Variants in PTPRF observed in about 807,000 individuals in gnomAD.
PTPRF encodes receptor-type tyrosine-protein phosphatase F.
In PTPRF, 59 loss-of-function variants were observed where a neutral mutation model predicts 201.8. The ratio of observed to expected loss-of-function variants is 0.29; its 90% confidence interval spans 0.24 to 0.36. The LOEUF is 0.36. Among genes scored for constraint, PTPRF ranks in the 10% least tolerant of loss-of-function variants. PTPRF has a pLI of 1.00. For missense variants in PTPRF, 2,132 were observed against 2,690.5 expected, an observed-to-expected ratio of 0.79 and a Z score of 4.59; for synonymous variants, 1,088 against 1,089.7, an observed-to-expected ratio of 1.00 and a Z score of 0.03.
At chr1:43,583,187 G>T in intron 7 of PTPRF, 1 of 851,088 alleles carries the variant, frequency 1.2e-6, no homozygotes. Context: ...GCTCCCTCAG[G>T]CTCACTGCGC....
intron 19 of PTPRF, 89 bp from the exon 20 acceptor site, chr1:43,606,151 G>A (rs1655043182): frequency 7.0e-7 from 1 of 1,420,038 alleles, no homozygotes; most frequent in South Asian, 1.3e-5. Context: ...CTTGATCTCG[G>A]CCCAGGGAGC....
At chr1:43,585,754 G>A (rs1057374991) in intron 7 of PTPRF, among the ~76,000 whole-genome samples, 5 of 152,194 alleles carry the variant, frequency 3.3e-5, no homozygotes, top group East Asian at 1.9e-4. Flanking sequence ...GGGACAATTT[G>A]GGGGTAAAGT....
chr1:43,548,076 C>T (rs1159314897), intron 3 of PTPRF, among the ~76,000 whole-genome samples: 3 of 147,644 alleles, frequency 2.0e-5, no homozygotes, highest in African/African-American at 7.6e-5. Context: ...TGGGAGGCTT[C>T]CTGGAAGAGG....
chr1:43,526,598 G>A (rs1643123933), upstream of PTPRF, among the ~76,000 whole-genome samples: 2 of 152,154 alleles, frequency 1.3e-5, no homozygotes, highest in African/African-American at 4.8e-5. Context: ...GGGAATTGAT[G>A]CTTTGGCATG....
chr1:43,539,294 G>A (rs1405405533), intron 2 of PTPRF, among the ~76,000 whole-genome samples: 9 of 152,142 alleles, frequency 5.9e-5, no homozygotes, highest in Non-Finnish European at 1.0e-4. Flanking sequence ...GAGGGTTTGC[G>A]GGCTTGGTGA....
chr1:43,576,376 G>A (rs1037805567), intron 6 of PTPRF, among the ~76,000 whole-genome samples: 29 of 152,184 alleles, frequency 1.9e-4, no homozygotes, highest in Non-Finnish European at 3.2e-4. Context: ...TTAGTATCCC[G>A]GCTCTGTACC....
chr1:43,569,546 C>T, intron 5 of PTPRF, 44 bp from the exon 6 acceptor site: 1 of 1,538,246 alleles, frequency 6.5e-7, no homozygotes, highest in Non-Finnish European at 8.8e-7. Flanking sequence ...TCATAGGGGG[C>T]AGGCAGAGCC....
chr1:43,580,364 C>T (rs1647278930), intron 7 of PTPRF, among the ~76,000 whole-genome samples: 1 of 152,166 alleles, frequency 6.6e-6, no homozygotes, highest in Non-Finnish European at 1.5e-5. Flanking sequence ...CTGGAGAGGC[C>T]ACAGGCTGCC....
chr1:43,602,374 A>C lies in PTPRF; in HGVS notation c.2340+277A>C, dbSNP rs569835168. Among the ~76,000 whole-genome samples, 5 of 152,350 alleles carry C rather than the reference A, an allele frequency of 3.3e-5. No homozygotes were observed. In the East Asian group the frequency reaches 7.7e-4, roughly 24 times the overall value. ...GCCCCGGCCAGACAGGGATGGAGTT[A>C]AATCCAATCCTGATCGTTAGGCCTT... On this transcript the variant is annotated intron_variant, in intron 14 of 33. Transcript: ENST00000359947.
In PTPRF at chr1:43,605,367, C is replaced by T. The variant is rs1208329218; in HGVS notation, c.3313C>T (p.Leu1105=). The change falls in exon 18 of 34, where the codon CTG becomes TTG. Residue 1105 remains leucine (L), a synonymous_variant. Transcript: ENST00000359947. ...CCCCGACCTCCTGCCTCACAAGCCG[C>T]TGCCTGCCTCTGCCTACATAGAGGA... ...TAPDLLPHKP[L]PASAYIEDGR... is the part of the protein sequence containing the mutation. 4.3e-6 allele frequency: 7 copies of T among 1,613,986 alleles called. No individual in the cohort carries two copies. In the East Asian group the frequency reaches 8.9e-5, roughly 21 times the overall value.
chr1:43,564,532 C>T (rs773572375), intron 5 of PTPRF, among the ~76,000 whole-genome samples: 3 of 152,208 alleles, frequency 2.0e-5, no homozygotes, highest in Non-Finnish European at 2.9e-5. Flanking sequence ...GTGCTAGTCA[C>T]TGCAGGTGCC....
Position 43,588,677 on chromosome 1 carries a change from A to T in PTPRF, c.680-54A>T. 6.3e-7 allele frequency: 1 copy of T among 1,594,690 alleles called. No homozygotes were observed. Among genetic ancestry groups the T allele is most frequent in the South Asian group, 1.1e-5 (1 of 88,602 alleles). On this transcript the variant is annotated intron_variant, in intron 7 of 33. Coordinates refer to ENST00000359947, the MANE Select transcript of PTPRF (RefSeq NM_002840.5). The surrounding 1 kb of genome is among the most constrained non-coding windows in gnomAD (Gnocchi z 5.3). ...CTGAATGAGGGGCCCCTGCCCTTCC[A>T]TGCAGTCGTGTGTCCTGCCCGGCCT...
intron 11 of PTPRF, among the ~76,000 whole-genome samples, chr1:43,596,787 C>T (rs911316744): frequency 1.3e-5 from 2 of 152,104 alleles, no homozygotes; most frequent in Non-Finnish European, 2.9e-5. Context: ...GGGATGGCCA[C>T]GTGCTTGTGT....
At chr1:43,532,288 C>T (rs1643644109) in intron 1 of PTPRF, among the ~76,000 whole-genome samples, 1 of 152,200 alleles carries the variant, frequency 6.6e-6, no homozygotes, top group African/African-American at 2.4e-5. Flanking sequence ...CAGTGCACGG[C>T]CCCTGAGTTG....
intron 5 of PTPRF, among the ~76,000 whole-genome samples, chr1:43,560,609 G>C (rs1471350046): frequency 6.6e-6 from 1 of 152,156 alleles, no homozygotes; most frequent in Admixed American, 6.5e-5. Context: ...GCTGTGTCTG[G>C]GCTCATTGTC....
chr1:43,582,946 C>G, intron 7 of PTPRF: 1 of 451,764 alleles, frequency 2.2e-6, no homozygotes, highest in Non-Finnish European at 2.9e-6. Flanking sequence ...GCACAGGAGT[C>G]TCGTCTCGTC....
chr1:43,548,512 G>C (rs1644824803), intron 3 of PTPRF, among the ~76,000 whole-genome samples: 1 of 152,162 alleles, frequency 6.6e-6, no homozygotes, highest in South Asian at 2.1e-4. Context: ...ACTTCCCGCA[G>C]ATTCCGTTGC....
At chr1:43,587,825 A>G (rs1333197055) in intron 7 of PTPRF, among the ~76,000 whole-genome samples, 1 of 152,034 alleles carries the variant, frequency 6.6e-6, no homozygotes, top group African/African-American at 2.4e-5. Context: ...TTCCCTCTGC[A>G]TGCTCCTGTG....
chr1:43,545,558 C>T lies in PTPRF; in HGVS notation c.91+392C>T, dbSNP rs7544842. Reference sequence around the variant, plus strand: ...AATGGGGGGTGGCACGCAGGGCATGCGTATGGATGTGTGCCCAGGACGCGG... The same window carrying T: ...AATGGGGGGTGGCACGCAGGGCATGTGTATGGATGTGTGCCCAGGACGCGG... On this transcript the variant is annotated intron_variant, in intron 3 of 33. Transcript: ENST00000359947. Among the ~76,000 whole-genome samples, 1,504 of 152,170 alleles carry T rather than the reference C, an allele frequency of 9.9e-3. 26 individuals are homozygous for T. The highest frequency in any genetic ancestry group is 0.034 in the African/African-American group (1,407 of 41,474).
Sources: allele counts gnomAD v4.1 joint callset (sites outside exome capture counted in the v4.1 genomes callset), GRCh38; gene constraint gnomAD v4.1.1; non-coding constraint Gnocchi (gnomAD v3.1); transcripts MANE v1.5; gene names NCBI Gene and HGNC (gene_info 2026-07-23, HGNC 2026-07-21).